The following MTFMT variants were observed in gnomAD, a reference collection of about 807,000 sequenced individuals.
MTFMT encodes the protein methionyl-tRNA formyltransferase, mitochondrial.
A neutral mutation model predicts 51.8 loss-of-function variants in MTFMT; 47 were observed. That is an observed-to-expected ratio of 0.91 (90% CI 0.72 to 1.16). The LOEUF (loss-of-function observed/expected upper bound fraction) is 1.16. MTFMT is among the 50% of genes most tolerant of loss of function. MTFMT has a pLI of 0.00. For synonymous variants in MTFMT, 196 were observed against 176.7 expected, an observed-to-expected ratio of 1.11 and a Z score of -0.87; for missense variants, 512 against 482.3, an observed-to-expected ratio of 1.06 and a Z score of -0.58.
At chr15:65,019,737 T>A (rs925836605) in intron 5 of MTFMT, among the ~76,000 whole-genome samples, 1 of 152,138 alleles carries the variant, frequency 6.6e-6, no homozygotes, top group African/African-American at 2.4e-5. Flanking sequence ...TTTTAGACAA[T>A]TAGGAACACT....
At chr15:65,011,586 C>T (rs997487276) in intron 6 of MTFMT, among the ~76,000 whole-genome samples, 2 of 145,742 alleles carry the variant, frequency 1.4e-5, no homozygotes, top group Admixed American at 1.4e-4. Flanking sequence ...GCCTCGACCT[C>T]CCTGGCTCAA....
Position 65,014,136 on chromosome 15 carries a change from T to A in MTFMT, c.813+2300A>T, listed in dbSNP as rs890713188. Among the ~76,000 whole-genome samples, 9 of 152,218 alleles carry A rather than the reference T, an allele frequency of 5.9e-5. No individual in the cohort carries two copies. In the East Asian group the frequency reaches 1.7e-3, roughly 29 times the overall value. On this transcript the variant is annotated intron_variant, in intron 6 of 8. Coordinates refer to ENST00000220058, the MANE Select transcript of MTFMT (RefSeq NM_139242.4). ...TTGGGTTAGCCCACCTTGGGTTTTGTACTAGCTGTTCCTCTGCCTGGAATG... is the reference window on the plus strand; with the variant it reads ...TTGGGTTAGCCCACCTTGGGTTTTGAACTAGCTGTTCCTCTGCCTGGAATG...
rs62015300 is a variant in MTFMT, at chr15:65,002,769, C to G, written c.*293G>C. 3,828 of 173,044 alleles carry G rather than the reference C, an allele frequency of 0.022. 163 individuals carry two copies. The highest frequency in any genetic ancestry group is 0.086 in the African/African-American group (3,585 of 41,830). 10.7% of individuals were successfully genotyped at this position (173,044 alleles called of 1,614,324 possible). A position where few individuals can be genotyped will look rare whatever the true frequency, so the allele number is the denominator to read the frequency against. On this transcript the variant is annotated 3_prime_UTR_variant, in exon 9 of 9. Coordinates refer to ENST00000220058, the MANE Select transcript of MTFMT (RefSeq NM_139242.4). The stretch of plus-strand genomic sequence containing the variant: ...CACAAGGTCAGGAGTTCGAGACCAG[C>G]CTGACCAACATGGTGAAACCCCATC...
At chr15:65,018,286 T>C (rs959994553) in intron 5 of MTFMT, among the ~76,000 whole-genome samples, 55 of 152,080 alleles carry the variant, frequency 3.6e-4, no homozygotes, top group African/African-American at 1.3e-3. Context: ...CCTTAGGATA[T>C]ATTCTAAGGA....
At chr15:65,008,079 T>C (rs1278008700) in intron 6 of MTFMT, among the ~76,000 whole-genome samples, 2 of 152,240 alleles carry the variant, frequency 1.3e-5, no homozygotes, top group African/African-American at 4.8e-5. Context: ...TTACTTTTTA[T>C]ATTTAAATCC....
chr15:65,019,161 A>C (rs1289431515), intron 5 of MTFMT, among the ~76,000 whole-genome samples: 1 of 152,208 alleles, frequency 6.6e-6, no homozygotes, highest in Non-Finnish European at 1.5e-5. Flanking sequence ...TGCAAAAGGG[A>C]AAACACATCT....
At chr15:65,026,794 G>C in intron 2 of MTFMT, 37 bp downstream of exon 2, 6 of 1,524,734 alleles carry the variant, frequency 3.9e-6, no homozygotes, top group Non-Finnish European at 5.4e-6. Context: ...TAAAGACCAA[G>C]GTTTCTATAC....
chr15:65,016,121 G>A (rs1366845777), intron 6 of MTFMT: 1 of 170,374 alleles, frequency 5.9e-6, no homozygotes, highest in Non-Finnish European at 1.3e-5. Flanking sequence ...ATTATTTAGT[G>A]ACTGGACATT....
At chr15:65,023,544 A>T in intron 3 of MTFMT, 128 bp downstream of exon 3, 1 of 800,090 alleles carries the variant, frequency 1.2e-6, no homozygotes. Flanking sequence ...AAAGGATATA[A>T]AAGCAGAAGA....
At chr15:65,026,350 T>G (rs182146274) in intron 2 of MTFMT, 2 of 209,034 alleles carry the variant, frequency 9.6e-6, no homozygotes, top group African/African-American at 4.6e-5. Flanking sequence ...ACAAAAGTTT[T>G]GTAAATTTTC....
intron 5 of MTFMT, among the ~76,000 whole-genome samples, chr15:65,019,428 T>G (rs959238128): frequency 3.9e-5 from 6 of 152,064 alleles, no homozygotes; most frequent in African/African-American, 1.4e-4. Context: ...ATGTTTATAC[T>G]CCTAACTCTA....
At chr15:65,023,371 C>T (rs1379990866) in intron 3 of MTFMT, among the ~76,000 whole-genome samples, 1 of 152,102 alleles carries the variant, frequency 6.6e-6, no homozygotes, top group Non-Finnish European at 1.5e-5. Context: ...AATTAACATA[C>T]AAAAATCCAT....
At chr15:65,011,567 C>T (rs185675885) in intron 6 of MTFMT, among the ~76,000 whole-genome samples, 237 of 138,944 alleles carry the variant, frequency 1.7e-3, no homozygotes, top group African/African-American at 5.9e-3. Context: ...GCAATCACAG[C>T]TCACTGCAGC....
At chr15:65,015,875 G>A (rs72746357) in intron 6 of MTFMT, 4,227 of 152,244 alleles carry the variant, frequency 0.028, 111 homozygotes, top group South Asian at 0.13. Context: ...ACACACATAC[G>A]GTAAGCTCAG....
In MTFMT at chr15:65,006,463, G is replaced by A. The variant is rs188091658; in HGVS notation, c.814-272C>T. Among the ~76,000 whole-genome samples, 259 of 149,004 alleles carry A rather than the reference G, an allele frequency of 1.7e-3. 2 individuals carry two copies. Among genetic ancestry groups the A allele is most frequent in the Non-Finnish European group, 4.4e-5 (3 of 67,664 alleles). On this transcript the variant is annotated intron_variant, in intron 6 of 8. Transcript: ENST00000220058. ...GCGATCTTGGCTCACTGCAAGCTCC[G>A]CCTCCCGGGTTCACGCCATTCTCCT...
chr15:65,003,866 A>AAAAAAAAAAAAAAAAG (rs2086199512), intron 8 of MTFMT, among the ~76,000 whole-genome samples: 3 of 147,852 alleles, frequency 2.0e-5, no homozygotes, highest in East Asian at 3.9e-4. Context: ...AAAAAAAAAA[A>AAAAAAAAAAAAAAAAG]GGGAAATACA....
At chr15:65,028,288 C>T (rs1005378476) in intron 1 of MTFMT, among the ~76,000 whole-genome samples, 2 of 152,118 alleles carry the variant, frequency 1.3e-5, no homozygotes, top group Admixed American at 6.6e-5. Flanking sequence ...TGGTGGTGCA[C>T]GCCCGTAGTC....
chr15:65,003,278 G>C (rs760098640), intron 8 of MTFMT, 22 bp from the exon 9 acceptor site: 4 of 1,595,622 alleles, frequency 2.5e-6, no homozygotes, highest in African/African-American at 1.3e-5. Context: ...AATACAAATA[G>C]TGAATAGGCA....
intron 3 of MTFMT, among the ~76,000 whole-genome samples, chr15:65,022,941 C>T (rs1277027088): frequency 3.3e-5 from 5 of 152,004 alleles, no homozygotes; most frequent in African/African-American, 9.7e-5. Context: ...CCTCCCACCT[C>T]GGCCTCCCAA....
Sources: gnomAD v4.1 joint callset for allele counts (sites outside exome capture counted in the v4.1 genomes callset) on GRCh38, gnomAD v4.1.1 for gene constraint, MANE v1.5 for transcripts, NCBI Gene and HGNC (gene_info 2026-07-23, HGNC 2026-07-21) for gene names.